DCC: variants seen among roughly 807,000 people sequenced by gnomAD.
DCC encodes the protein netrin receptor DCC.
Under a neutral mutation model 172.5 loss-of-function variants are expected in DCC, and 58 were observed. The ratio of observed to expected loss-of-function variants is 0.34; its 90% CI spans 0.27 to 0.42. The LOEUF (loss-of-function observed/expected upper bound fraction) is 0.42, where lower values mean the gene tolerates loss of function less well. DCC is among the 10% of genes least tolerant of loss of function. The pLI is 1.00. For synonymous variants in DCC, 709 were observed against 644.5 expected (o/e 1.10, Z -1.52); for missense variants, 1,740 against 1,791.0 (o/e 0.97, Z 0.51).
At chr18:53,201,487 G>A (rs2055536722) in intron 9 of DCC, among the ~76,000 whole-genome samples, 1 of 152,152 alleles carries the variant, frequency 6.6e-6, no homozygotes, top group South Asian at 2.1e-4. Context: ...TCTGCCTTCT[G>A]TAGAGGAATA....
chr18:53,305,813 C>A (rs2057193614), intron 13 of DCC, 94 bp downstream of exon 13: 1 of 1,348,810 alleles, frequency 7.4e-7, no homozygotes, highest in Non-Finnish European at 1.1e-6. Context: ...CATTGATTTT[C>A]TTCCTGGCAT....
chr18:52,752,292 A>G lies in DCC; in HGVS notation c.330A>G (p.Pro110=). The G allele has an allele frequency of 3.1e-6, 5 of 1,614,200 alleles. No homozygotes were observed. The highest frequency in any genetic ancestry group is 4.2e-6 in the Non-Finnish European group (5 of 1,180,032). ...QNILHSRHHK[P]DEGLYQCEAS... Reference sequence around the variant, plus strand: ...TACTTCATTCCAGACACCACAAGCCAGATGAGGGACTTTACCAATGTGAGG... The same window carrying G: ...TACTTCATTCCAGACACCACAAGCCGGATGAGGGACTTTACCAATGTGAGG... Residue 110 remains proline, a synonymous_variant, in exon 2 of 29, where the codon CCA becomes CCG. Coordinates refer to ENST00000442544, the MANE Select transcript of DCC (RefSeq NM_005215.4).
rs1222926502 is a variant in DCC, at chr18:53,448,070, T to TA, written c.3230-2429dup. 4.8e-3 allele frequency among the ~76,000 whole-genome samples: 728 copies of TA among 150,260 alleles called. 3 individuals are homozygous for TA. The highest frequency in any genetic ancestry group is 8.3e-3 in the Non-Finnish European group (559 of 67,552). On this transcript the variant is annotated intron_variant, in intron 22 of 28. Transcript: ENST00000442544. Reference sequence around the variant, plus strand: ...GAGTTTTTTTTTTTTTTTTTTTTTTTACAAAAGCAATGATTCTTAGGCAAC... The same window carrying TA: ...GAGTTTTTTTTTTTTTTTTTTTTTTTAACAAAAGCAATGATTCTTAGGCAAC...
In DCC at chr18:53,513,069, G is replaced by A. The variant is rs975393907; in HGVS notation, c.4112-13548G>A. ...TTAAGGGAAGCCAGAGAGAAAGGTC[G>A]GGTTACCCTCAAAGGGAAGCCCATC... On this transcript the variant is annotated intron_variant, in intron 27 of 28. Transcript: ENST00000442544. Among the ~76,000 whole-genome samples the A allele has an allele frequency of 4.6e-5, 7 of 152,112 alleles. No individual in the cohort carries two copies. In the East Asian group the frequency reaches 5.8e-4, roughly 13 times the overall value.
At chr18:52,732,854 A>G (rs1016383715) in intron 1 of DCC, among the ~76,000 whole-genome samples, 1 of 152,178 alleles carries the variant, frequency 6.6e-6, no homozygotes, top group Non-Finnish European at 1.5e-5. Flanking sequence ...CCCTCTTCTG[A>G]AAGAAAAAGT....
chr18:52,592,981 G>T (rs1405590227), intron 1 of DCC, among the ~76,000 whole-genome samples: 1 of 152,060 alleles, frequency 6.6e-6, no homozygotes, highest in Non-Finnish European at 1.5e-5. Flanking sequence ...CACTATCAAG[G>T]CTCGATTTAC....
At chr18:53,255,166 G>T (rs1051711792) in intron 12 of DCC, among the ~76,000 whole-genome samples, 1 of 151,672 alleles carries the variant, frequency 6.6e-6, no homozygotes, top group African/African-American at 2.4e-5. Context: ...CAGGCCTTTC[G>T]GGCCCTTCTG....
At chr18:53,213,700 TAA>T (rs1363464965) in intron 11 of DCC, among the ~76,000 whole-genome samples, 13 of 148,554 alleles carry the variant, frequency 8.8e-5, no homozygotes, top group African/African-American at 3.2e-4. Context: ...CACTTAATAT[TAA>T]GACATTATTT....
intron 12 of DCC, among the ~76,000 whole-genome samples, chr18:53,289,472 C>A (rs1330518145): frequency 6.6e-6 from 1 of 151,934 alleles, no homozygotes; most frequent in Non-Finnish European, 1.5e-5. Context: ...TTAAGTAAAC[C>A]TGATTTACCA....
intron 1 of DCC, among the ~76,000 whole-genome samples, chr18:52,426,045 T>C (rs962955438): frequency 5.9e-5 from 9 of 152,226 alleles, no homozygotes; most frequent in East Asian, 3.9e-4. Context: ...CAGAAGCACA[T>C]AGCAATTTCT....
chr18:52,620,046 C>T (rs977294273), intron 1 of DCC, among the ~76,000 whole-genome samples: 5 of 152,202 alleles, frequency 3.3e-5, no homozygotes, highest in African/African-American at 4.8e-5. Flanking sequence ...GAGGCCCCCT[C>T]GTAATTTATA....
At chr18:53,124,221 T>C (rs8083111) in intron 7 of DCC, among the ~76,000 whole-genome samples, 25,393 of 152,082 alleles carry the variant, frequency 0.17, 2,785 homozygotes, top group African/African-American at 0.31. Flanking sequence ...ATTTAATACA[T>C]GTTCAATCTC....
chr18:53,114,755 A>G (rs1555714469), intron 7 of DCC, among the ~76,000 whole-genome samples: 5 of 151,632 alleles, frequency 3.3e-5, no homozygotes, highest in Non-Finnish European at 5.9e-5. Context: ...AGACCAGGCC[A>G]GGGCTATAGA....
intron 3 of DCC, among the ~76,000 whole-genome samples, chr18:52,915,575 T>C (rs1311273409): frequency 6.6e-6 from 1 of 152,292 alleles, no homozygotes; most frequent in African/African-American, 2.4e-5. Flanking sequence ...CTGATGATAG[T>C]TGACTTTTTG....
intron 2 of DCC, among the ~76,000 whole-genome samples, chr18:52,755,810 AGT>A (rs1241579296): frequency 6.6e-6 from 1 of 151,922 alleles, no homozygotes; most frequent in African/African-American, 2.4e-5. Flanking sequence ...GCTTTCTCAA[AGT>A]GTCTTTTGAT....
intron 1 of DCC, among the ~76,000 whole-genome samples, chr18:52,734,069 A>G (rs953065475): frequency 6.6e-6 from 1 of 151,980 alleles, no homozygotes; most frequent in Non-Finnish European, 1.5e-5. Flanking sequence ...TCTTTAAAAG[A>G]GTAATAAGTA....
At chr18:52,503,595 G>C (rs144470034) in intron 1 of DCC, among the ~76,000 whole-genome samples, 1 of 152,236 alleles carries the variant, frequency 6.6e-6, no homozygotes, top group Non-Finnish European at 1.5e-5. Flanking sequence ...TTCTCTCCTT[G>C]TTCCAGTCTG....
intron 7 of DCC, among the ~76,000 whole-genome samples, chr18:53,147,396 T>A (rs564831371): frequency 5.0e-4 from 76 of 152,322 alleles, no homozygotes; most frequent in South Asian, 1.9e-3. Context: ...CGTATACATA[T>A]TATGCCCCCT....
At chr18:52,815,113 TGAG>T (rs764696574) in intron 2 of DCC, among the ~76,000 whole-genome samples, 4 of 152,096 alleles carry the variant, frequency 2.6e-5, no homozygotes, top group Non-Finnish European at 5.9e-5. Context: ...GACTTTATGA[TGAG>T]AGATACCATC....
Sources: gnomAD v4.1 joint callset for allele counts (sites outside exome capture counted in the v4.1 genomes callset) on GRCh38, gnomAD v4.1.1 for gene constraint, MANE v1.5 for transcripts, NCBI Gene and HGNC (gene_info 2026-07-23, HGNC 2026-07-21) for gene names.